The following BIRC6 variants were observed in gnomAD, a reference collection of about 807,000 sequenced individuals.
BIRC6 encodes the protein baculoviral IAP repeat containing 6.
Under a neutral mutation model 503.3 loss-of-function variants are expected in BIRC6, and 98 were observed. The ratio of observed to expected loss-of-function variants is 0.19; its 90% CI spans 0.17 to 0.23. BIRC6 has a LOEUF of 0.23. Ranked by LOEUF, BIRC6 falls within the 10% of genes least tolerant of loss-of-function variation. BIRC6 has a pLI of 1.00. For missense variants in BIRC6, 5,360 were observed against 5,806.0 expected (o/e 0.92, Z 2.50); for synonymous variants, 2,240 against 2,078.7 (o/e 1.08, Z -2.11).
At chr2:32,420,024 C>G (rs915347876) in intron 10 of BIRC6, among the ~76,000 whole-genome samples, 8 of 152,182 alleles carry the variant, frequency 5.3e-5, no homozygotes, top group Non-Finnish European at 8.8e-5. Flanking sequence ...GATATCAAAT[C>G]AACTTTGCGT....
At chr2:32,509,293 C>T (rs2054140401) in intron 51 of BIRC6, among the ~76,000 whole-genome samples, 2 of 152,192 alleles carry the variant, frequency 1.3e-5, no homozygotes, top group Admixed American at 6.5e-5. Context: ...CTCACCCTGT[C>T]GCCCAGGATG....
chr2:32,373,515 A>G (rs1341107030), intron 1 of BIRC6, among the ~76,000 whole-genome samples: 2 of 152,214 alleles, frequency 1.3e-5, no homozygotes, highest in Non-Finnish European at 2.9e-5. Flanking sequence ...TGTTGCTGGG[A>G]AGACTGGATA....
rs1559085136 is a variant in BIRC6, at chr2:32,575,033, C to T, written c.13145-123C>T. 6.0e-6 allele frequency: 6 copies of T among 997,140 alleles called. No individual in the cohort carries two copies. In the East Asian group the frequency reaches 1.4e-4, roughly 24 times the overall value. 61.8% of individuals were successfully genotyped at this position (997,140 alleles called of 1,614,324 possible). Reference sequence around the variant, plus strand: ...AAAGTACTGAGATTACAGGCCTGAACCAGCGTGCCCAGCCGGGTCAGCTGT... The same window carrying T: ...AAAGTACTGAGATTACAGGCCTGAATCAGCGTGCCCAGCCGGGTCAGCTGT... On this transcript the variant is annotated intron_variant, in intron 65 of 73. Transcript: ENST00000421745.
chr2:32,516,704 T>TA (rs1200429044), intron 55 of BIRC6, among the ~76,000 whole-genome samples: 1 of 151,910 alleles, frequency 6.6e-6, no homozygotes, highest in African/African-American at 2.4e-5. Context: ...TTTATCATAA[T>TA]AAATTAAATC....
At chr2:32,406,851 A>C (rs947245034) in intron 9 of BIRC6, among the ~76,000 whole-genome samples, 1 of 152,192 alleles carries the variant, frequency 6.6e-6, no homozygotes, top group African/African-American at 2.4e-5. Flanking sequence ...TGTATAATGT[A>C]TTCTGTTAAC....
At chr2:32,525,663 T>G in intron 59 of BIRC6, 35 bp downstream of exon 59, 1 of 1,579,470 alleles carries the variant, frequency 6.3e-7, no homozygotes, top group Non-Finnish European at 8.6e-7. Context: ...TCAAAGAAAT[T>G]TTAGTAGCCT....
chr2:32,522,123 C>T, intron 57 of BIRC6: 1 of 151,612 alleles, frequency 6.6e-6, no homozygotes, highest in Non-Finnish European at 1.5e-5. Context: ...TTTCCTGTGT[C>T]TGATCTGTTA....
At chr2:32,547,751 T>A (rs2058152603) in intron 63 of BIRC6, 99 bp from the exon 64 acceptor site, 8 of 1,124,166 alleles carry the variant, frequency 7.1e-6, no homozygotes, top group Non-Finnish European at 9.8e-6. Context: ...CCAAACTGTT[T>A]TCCATAGTAG....
Position 32,476,333 on chromosome 2 carries a change from G to T in BIRC6, c.6841G>T (p.Ala2281Ser), listed in dbSNP as rs1449681339. The stretch of plus-strand genomic sequence containing the variant: ...GGTAGAACAAGCAAAACTAAAGCAG[G>T]CCACTTCAAAGGTATGATCTATACT... ...LLVEQAKLKQ[A>S]TSKHFKDLIR... is the part of the protein sequence containing the mutation. The change falls in exon 34 of 74, where the codon GCC becomes TCC. Residue 2281 changes from alanine (A) to serine (S), a missense_variant. Ala to Ser is a moderately conservative substitution (Grantham distance 99, BLOSUM62 1). Around this residue, in one of 16 missense-constraint regions of BIRC6, gnomAD observed 2,299 missense variants for 2,267.2 expected, o/e 1.01. Transcript: ENST00000421745. 3.2e-6 allele frequency: 5 copies of T among 1,577,630 alleles called. No individual in the cohort carries two copies. Among genetic ancestry groups the T allele is most frequent in the Non-Finnish European group, 4.3e-6 (5 of 1,160,354 alleles).
At chr2:32,572,091 T>G (rs1281470649) in intron 65 of BIRC6, among the ~76,000 whole-genome samples, 1 of 152,250 alleles carries the variant, frequency 6.6e-6, no homozygotes, top group African/African-American at 2.4e-5. Context: ...GAGAAGATAC[T>G]TGATATGATT....
intron 57 of BIRC6, among the ~76,000 whole-genome samples, chr2:32,519,534 A>G (rs2055413070): frequency 6.6e-6 from 1 of 152,014 alleles, no homozygotes; most frequent in Admixed American, 6.6e-5. Flanking sequence ...TTTAATTTTG[A>G]GAGGGGGGTC....
intron 8 of BIRC6, among the ~76,000 whole-genome samples, chr2:32,405,405 A>G (rs570820649): frequency 2.2e-4 from 33 of 152,330 alleles, no homozygotes; most frequent in Non-Finnish European, 3.4e-4. Flanking sequence ...TCAAAAATAT[A>G]TAAGTGAATT....
At chr2:32,495,019 G>T (rs1426460511) in intron 45 of BIRC6, among the ~76,000 whole-genome samples, 2 of 152,188 alleles carry the variant, frequency 1.3e-5, no homozygotes, top group African/African-American at 4.8e-5. Context: ...TGAGGATTTT[G>T]TGAAATTTTG....
Position 32,576,032 on chromosome 2 carries a change from G to T in BIRC6, c.13355+666G>T, listed in dbSNP as rs1341454406. Among the ~76,000 whole-genome samples the T allele has an allele frequency of 2.0e-5, 3 of 152,244 alleles. 1 individual carries two copies. The East Asian group carries it at 5.8e-4, about 29-fold the overall frequency. ...AGTGTCAATAAATACCACTGACATT[G>T]TTCTAAATACTTCAAATTCACCTTT... is the stretch of plus-strand genomic sequence containing the variant. On this transcript the variant is annotated intron_variant, in intron 66 of 73. Coordinates refer to ENST00000421745, the MANE Select transcript of BIRC6 (RefSeq NM_016252.4).
Position 32,415,797 on chromosome 2 carries a change from A to T in BIRC6, c.2506A>T (p.Ile836Leu). The T allele has an allele frequency of 6.2e-7, 1 of 1,613,802 alleles. No homozygotes were observed. Among genetic ancestry groups the T allele is most frequent in the Non-Finnish European group, 8.5e-7 (1 of 1,179,862 alleles). The change falls in exon 10 of 74, where the codon ATA becomes TTA. Residue 836 changes from isoleucine to leucine, a missense_variant. Ile to Leu is a conservative substitution (Grantham distance 5). This residue lies in a region of BIRC6 where 700 missense variants were observed against 739.3 expected (regional missense o/e 0.95). Coordinates refer to ENST00000421745, the MANE Select transcript of BIRC6 (RefSeq NM_016252.4). ...VLYKMNYATR[I>L]VTLEEEPIKI... ...TTATAAAATGAATTATGCCACTCGG[A>T]TAGTGACTTTAGAAGAGGAGCCAAT...
Position 32,617,964 on chromosome 2 carries a change from A to AT in BIRC6, c.*61dup. 1 of 1,490,294 alleles carries AT rather than the reference A, an allele frequency of 6.7e-7. No homozygotes were observed. 92.3% of individuals were successfully genotyped at this position (1,490,294 alleles called of 1,614,324 possible). ...TTCGAAGCACAAGCCAAATATGTCA[A>AT]TATTTGTATGTAAGAAACTAATTAT... On this transcript the variant is annotated 3_prime_UTR_variant, in exon 74 of 74. Coordinates refer to ENST00000421745, the MANE Select transcript of BIRC6 (RefSeq NM_016252.4).
At chr2:32,566,081 T>C (rs530506296) in intron 65 of BIRC6, 1 of 152,344 alleles carries the variant, frequency 6.6e-6, no homozygotes, top group South Asian at 2.1e-4. Context: ...ATTTATTTTT[T>C]ATTAACATTT....
chr2:32,389,273 A>T (rs558921515), intron 4 of BIRC6, among the ~76,000 whole-genome samples: 1 of 152,166 alleles, frequency 6.6e-6, no homozygotes, highest in African/African-American at 2.4e-5. Flanking sequence ...TTAATGATTA[A>T]TAACTATTTT....
At position 32,529,700 on chromosome 2, in the gene BIRC6, A is replaced by G. The variant is rs767033422; in HGVS notation, c.11970A>G (p.Leu3990=). 16 of 1,613,438 alleles carry G rather than the reference A, an allele frequency of 9.9e-6. No homozygotes were observed. The highest frequency in any genetic ancestry group is 2.2e-5 in the East Asian group (1 of 44,844). ...CACTTGCCCAGCTTTTAACTCTCCT[A>G]TATGACCGAAAACTTCCTCAGGGTT... ...EMTLAQLLTL[L]YDRKLPQGYR... The change falls in exon 60 of 74, where the codon CTA becomes CTG. Residue 3990 remains leucine (L), a synonymous_variant. Coordinates refer to ENST00000421745, the MANE Select transcript of BIRC6 (RefSeq NM_016252.4).
Sources: allele counts gnomAD v4.1 joint callset (sites outside exome capture counted in the v4.1 genomes callset), GRCh38; gene constraint gnomAD v4.1.1; regional missense constraint gnomAD v4.1.1; transcripts MANE v1.5; gene names NCBI Gene and HGNC (gene_info 2026-07-23, HGNC 2026-07-21).